The following SYNPO2 variants were observed in gnomAD, a reference collection of about 807,000 sequenced individuals.
The protein encoded by SYNPO2 is synaptopodin 2.
A neutral mutation model predicts 85.0 loss-of-function variants in SYNPO2; 56 were observed. The observed-to-expected ratio is 0.66, with a 90% CI of 0.53 to 0.82. SYNPO2 has a LOEUF of 0.82. Among genes scored for constraint, SYNPO2 ranks in the 40% least tolerant of loss-of-function variants. The pLI is 0.00. For synonymous variants in SYNPO2, 602 were observed against 591.1 expected (o/e 1.02, Z -0.27); for missense variants, 1,575 against 1,534.2 (o/e 1.03, Z -0.44).
At chr4:118,913,563 TTGTGTGTGTGTGTGTGTG>T (rs10686830) in intron 1 of SYNPO2, among the ~76,000 whole-genome samples, 1 of 147,272 alleles carries the variant, frequency 6.8e-6, no homozygotes, top group South Asian at 2.2e-4. Context: ...CATTTATTGT[TTGTGTGTGTGTGTGTGTG>T]TGTGTGTGTG....
intron 3 of SYNPO2, among the ~76,000 whole-genome samples, chr4:119,027,863 A>G (rs894409114): frequency 6.8e-6 from 1 of 147,244 alleles, no homozygotes; most frequent in African/African-American, 2.5e-5. Flanking sequence ...AAGCTCTACC[A>G]TTGATATCAA....
At chr4:119,027,984 G>A (rs778645128) in intron 3 of SYNPO2, among the ~76,000 whole-genome samples, 4 of 152,138 alleles carry the variant, frequency 2.6e-5, no homozygotes, top group African/African-American at 4.8e-5. Context: ...GATCCTCTCC[G>A]TTGTGTAAGT....
At position 118,897,605 on chromosome 4, in the gene SYNPO2, G is replaced by A. The variant is rs535326030; in HGVS notation, c.105+8464G>A. Among the ~76,000 whole-genome samples, 5 of 152,258 alleles carry A rather than the reference G, an allele frequency of 3.3e-5. No homozygotes were observed. The South Asian group carries it at 1.0e-3, about 32-fold the overall frequency. On this transcript the variant is annotated intron_variant, in intron 1 of 4. Coordinates refer to ENST00000307142, the MANE Select transcript of SYNPO2 (RefSeq NM_133477.3). The stretch of plus-strand genomic sequence containing the variant: ...TTTATTTAAGAAACTCATATATGAT[G>A]TTTACTAGGTGCCAGGCACTTCTTG...
intron 1 of SYNPO2, among the ~76,000 whole-genome samples, chr4:119,002,418 G>A (rs1478771931): frequency 6.6e-6 from 1 of 152,008 alleles, no homozygotes; most frequent in Non-Finnish European, 1.5e-5. Flanking sequence ...TTACCACCAC[G>A]CCTGGCTAAT....
intron 1 of SYNPO2, among the ~76,000 whole-genome samples, chr4:119,010,459 A>T (rs1303041106): frequency 6.6e-6 from 1 of 152,194 alleles, no homozygotes; most frequent in Non-Finnish European, 1.5e-5. Flanking sequence ...CCATGAGAAC[A>T]ATATGGGGGA....
chr4:118,977,696 G>T (rs1418516799), intron 1 of SYNPO2, among the ~76,000 whole-genome samples: 1 of 152,242 alleles, frequency 6.6e-6, no homozygotes, highest in African/African-American at 2.4e-5. Context: ...AATCAGACAT[G>T]TCTGGATCAT....
intron 1 of SYNPO2, among the ~76,000 whole-genome samples, chr4:118,935,422 G>T (rs1299080656): frequency 6.6e-6 from 1 of 152,160 alleles, no homozygotes; most frequent in Admixed American, 6.5e-5. Context: ...TGGACCTGAT[G>T]TTTGATTTTT....
intron 4 of SYNPO2, chr4:119,032,660 CTTA>C: frequency 1.0e-6 from 1 of 986,150 alleles, no homozygotes; most frequent in Non-Finnish European, 1.2e-6. Context: ...TTACTGAGCA[CTTA>C]TTATGTATTA....
intron 1 of SYNPO2, among the ~76,000 whole-genome samples, chr4:119,003,551 T>G (rs891579562): frequency 1.3e-5 from 2 of 152,238 alleles, no homozygotes; most frequent in Non-Finnish European, 2.9e-5. Context: ...GAGTTTTAAT[T>G]GCCAAAAGTC....
intron 1 of SYNPO2, among the ~76,000 whole-genome samples, chr4:119,016,372 G>A (rs939382789): frequency 6.0e-5 from 9 of 149,562 alleles, no homozygotes; most frequent in African/African-American, 2.0e-4. Context: ...AGCAGAGATT[G>A]TGCCATTGCA....
rs539380798 is a variant in SYNPO2 at position 118,993,900 on chromosome 4, G to A, written c.106-29530G>A. On this transcript the variant is annotated intron_variant, in intron 1 of 4. Coordinates refer to ENST00000307142, the MANE Select transcript of SYNPO2 (RefSeq NM_133477.3). ...CCAGGACTTATGATGCTGGAAGCAC[G>A]GAATGATTTAATGCTTTGCCTAGTC... Among the ~76,000 whole-genome samples the A allele has an allele frequency of 9.2e-5, 14 of 152,308 alleles. No individual in the cohort carries two copies. In the East Asian group the frequency reaches 2.3e-3, roughly 25 times the overall value.
At chr4:118,957,335 C>T (rs552546788) in intron 1 of SYNPO2, among the ~76,000 whole-genome samples, 103 of 152,290 alleles carry the variant, frequency 6.8e-4, no homozygotes, top group Non-Finnish European at 1.2e-3. Flanking sequence ...AACACACCCA[C>T]CCATGCAATT....
chr4:119,046,406 G>T (rs1379076697), intron 4 of SYNPO2, among the ~76,000 whole-genome samples: 2 of 152,218 alleles, frequency 1.3e-5, no homozygotes, highest in Middle Eastern at 3.2e-3. Flanking sequence ...GGCCAACCCA[G>T]CTGCCTGCAT....
At chr4:119,046,028 GA>G (rs137856606) in intron 4 of SYNPO2, among the ~76,000 whole-genome samples, 2,694 of 152,140 alleles carry the variant, frequency 0.018, 56 homozygotes, top group African/African-American at 0.05. Context: ...CTTGTATAGG[GA>G]AAATTACCAA....
At chr4:118,881,008 C>T (rs112890421) in intron 1 of SYNPO2, among the ~76,000 whole-genome samples, 2 of 151,368 alleles carry the variant, frequency 1.3e-5, no homozygotes, top group East Asian at 2.0e-4. Context: ...TGTTCCTATA[C>T]GAAGAGGTTA....
At chr4:118,993,121 G>T (rs1010256249) in intron 1 of SYNPO2, among the ~76,000 whole-genome samples, 2 of 152,146 alleles carry the variant, frequency 1.3e-5, no homozygotes, top group Non-Finnish European at 2.9e-5. Flanking sequence ...AGCAGCATAA[G>T]AGAATTACTT....
At chr4:118,967,440 T>C (rs1235814971) in intron 1 of SYNPO2, among the ~76,000 whole-genome samples, 1 of 152,234 alleles carries the variant, frequency 6.6e-6, no homozygotes, top group African/African-American at 2.4e-5. Flanking sequence ...AATCCTGGCT[T>C]CAGGTTTCCA....
At chr4:119,003,372 C>A (rs1398324251) in intron 1 of SYNPO2, among the ~76,000 whole-genome samples, 1 of 152,172 alleles carries the variant, frequency 6.6e-6, no homozygotes, top group Non-Finnish European at 1.5e-5. Flanking sequence ...GATCCAATCA[C>A]CTCCCTCCCT....
chr4:118,962,456 T>C (rs1735135724), intron 1 of SYNPO2, among the ~76,000 whole-genome samples: 1 of 152,180 alleles, frequency 6.6e-6, no homozygotes, highest in African/African-American at 2.4e-5. Context: ...TGGGAGCACA[T>C]GGAATAATAT....
Sources: allele counts gnomAD v4.1 joint callset (sites outside exome capture counted in the v4.1 genomes callset), GRCh38; gene constraint gnomAD v4.1.1; transcripts MANE v1.5; gene names NCBI Gene and HGNC (gene_info 2026-07-23, HGNC 2026-07-21).